NRP1: variants seen among roughly 807,000 people sequenced by gnomAD.
NRP1 encodes neuropilin 1.
A neutral mutation model predicts 106.7 loss-of-function variants in NRP1; 35 were observed. That is an observed-to-expected ratio of 0.33 (90% CI 0.25 to 0.43). The LOEUF is 0.43. NRP1 is among the 20% of genes least tolerant of loss of function. The probability of loss-of-function intolerance (pLI) is 1.00; values close to 1 mark genes in which losing one functional copy is unlikely to be tolerated. For missense variants in NRP1, 1,024 were observed against 1,170.4 expected, an observed-to-expected ratio of 0.87 and a Z score of 1.83; for synonymous variants, 437 against 417.9, an observed-to-expected ratio of 1.05 and a Z score of -0.56.
chr10:33,243,116 C>T (rs142249629), intron 6 of NRP1, among the ~76,000 whole-genome samples: 2,002 of 152,182 alleles, frequency 0.013, 52 homozygotes, highest in African/African-American at 0.046. Context: ...GCTGCACTTT[C>T]TTACAAGATA....
chr10:33,331,970 C>T (rs887044116), intron 1 of NRP1, among the ~76,000 whole-genome samples: 3 of 152,162 alleles, frequency 2.0e-5, no homozygotes, highest in African/African-American at 7.2e-5. Context: ...GATTTTAACA[C>T]TGCATCTAAT....
chr10:33,254,059 G>T lies in NRP1; in HGVS notation c.950C>A (p.Pro317His), dbSNP rs1359535322. 6.2e-7 allele frequency: 1 copy of T among 1,612,750 alleles called. No individual in the cohort carries two copies. Among genetic ancestry groups the T allele is most frequent in the Non-Finnish European group, 8.5e-7 (1 of 1,179,704 alleles). The part of the protein sequence containing the change: ...RLNYPENGWT[P>H]GEDSYREWIQ... ...CCACTCTCGGTAGGAATCCTCTCCG[G>T]GAGTCCACCCATTCTCAGGGTAGTT... Residue 317 changes from proline to histidine, a missense_variant, in exon 6 of 17, where the codon CCC (proline) becomes CAC (histidine). Pro to His is a moderately conservative substitution (Grantham distance 77). Around this residue, in one of 5 missense-constraint regions of NRP1, gnomAD observed 562 missense variants for 620.3 expected, o/e 0.91. Transcript: ENST00000374867.
At chr10:33,260,294 C>T (rs1842485753) in intron 4 of NRP1, among the ~76,000 whole-genome samples, 1 of 152,038 alleles carries the variant, frequency 6.6e-6, no homozygotes, top group Admixed American at 6.6e-5. Context: ...ATCTGGAATA[C>T]CAAAAATACA....
intron 2 of NRP1, among the ~76,000 whole-genome samples, chr10:33,311,255 G>C (rs781499097): frequency 6.6e-6 from 1 of 152,186 alleles, no homozygotes; most frequent in South Asian, 2.1e-4. Flanking sequence ...TACAAGTAGA[G>C]AGCACCAGCA....
At chr10:33,333,249 T>G (rs116282828) in intron 1 of NRP1, among the ~76,000 whole-genome samples, 1 of 151,996 alleles carries the variant, frequency 6.6e-6, no homozygotes, top group East Asian at 1.9e-4. Flanking sequence ...TTTTTGCATG[T>G]GTTTTGCTTT....
At chr10:33,309,833 A>G (rs1225995305) in intron 2 of NRP1, among the ~76,000 whole-genome samples, 2 of 152,074 alleles carry the variant, frequency 1.3e-5, no homozygotes, top group African/African-American at 4.8e-5. Flanking sequence ...CCACATTTCT[A>G]TGTCCAGCTT....
intron 7 of NRP1, 146 bp downstream of exon 7, chr10:33,225,988 T>A: frequency 1.2e-6 from 1 of 865,068 alleles, no homozygotes; most frequent in Non-Finnish European, 1.8e-6. Context: ...GACCCCTTGG[T>A]TAGATTTAAA....
intron 2 of NRP1, among the ~76,000 whole-genome samples, chr10:33,301,275 T>C (rs551678192): frequency 6.6e-6 from 1 of 152,316 alleles, no homozygotes; most frequent in African/African-American, 2.4e-5. Flanking sequence ...CAGGATTTTC[T>C]CTTTGGCCTG....
chr10:33,219,225 C>T (rs1839029659), intron 8 of NRP1, among the ~76,000 whole-genome samples: 1 of 152,120 alleles, frequency 6.6e-6, no homozygotes, highest in South Asian at 2.1e-4. Context: ...TCATTGACTC[C>T]TCATTATAGT....
At chr10:33,230,091 CTTAG>C (rs57328394) in intron 6 of NRP1, among the ~76,000 whole-genome samples, 55,721 of 151,750 alleles carry the variant, frequency 0.37, 10,301 homozygotes, top group East Asian at 0.63. Flanking sequence ...CTCTCCAGCA[CTTAG>C]TGTGCAACCC....
intron 3 of NRP1, among the ~76,000 whole-genome samples, chr10:33,270,285 C>T (rs898186902): frequency 2.0e-5 from 3 of 151,934 alleles, no homozygotes; most frequent in South Asian, 2.1e-4. Flanking sequence ...CTTCTGACTT[C>T]CTTTTCACTT....
At chr10:33,226,100 C>G (rs1352007900) in intron 7 of NRP1, 34 bp downstream of exon 7, 1 of 1,609,476 alleles carries the variant, frequency 6.2e-7, no homozygotes, top group Admixed American at 1.7e-5. Context: ...ATTTAAAAGA[C>G]CAAATTGGTT....
chr10:33,193,766 G>T (rs1215551376), intron 12 of NRP1, among the ~76,000 whole-genome samples: 2 of 152,180 alleles, frequency 1.3e-5, no homozygotes, highest in Non-Finnish European at 2.9e-5. Context: ...AATGGCAGGA[G>T]GAATTTTAAT....
At chr10:33,300,634 C>T (rs1845737286) in intron 2 of NRP1, among the ~76,000 whole-genome samples, 1 of 152,178 alleles carries the variant, frequency 6.6e-6, no homozygotes, top group South Asian at 2.1e-4. Context: ...GGCAAACCTG[C>T]CTCCCATTGT....
At chr10:33,200,653 G>A (rs1294116994) in intron 11 of NRP1, among the ~76,000 whole-genome samples, 1 of 152,170 alleles carries the variant, frequency 6.6e-6, no homozygotes, top group Non-Finnish European at 1.5e-5. Flanking sequence ...TTGTAGTCCT[G>A]ACAGCAAAAC....
chr10:33,186,389 C>T lies in NRP1; in HGVS notation c.2162G>A (p.Cys721Tyr). 2 of 1,614,158 alleles carry T rather than the reference C, an allele frequency of 1.2e-6. No individual in the cohort carries two copies. Among genetic ancestry groups the T allele is most frequent in the Non-Finnish European group, 1.7e-6 (2 of 1,180,030 alleles). The change falls in exon 14 of 17, where the codon TGC becomes TAC. Residue 721 changes from cysteine to tyrosine, a missense_variant. Cys to Tyr is a radical substitution (Grantham distance 194). Transcript: ENST00000374867. ...PVVYSQNSAH[C>Y]MTFWYHMSGS... ...AGACATGTGATACCAGAAGGTCATG[C>T]AGTGGGCAGAGTTCTGGGAATAAAC...
intron 5 of NRP1, among the ~76,000 whole-genome samples, chr10:33,255,001 T>G (rs1319013): frequency 0.51 from 78,005 of 152,000 alleles, 20,555 homozygotes; most frequent in East Asian, 0.7. Flanking sequence ...ATCCTCAGTT[T>G]GATGATACTG....
intron 6 of NRP1, among the ~76,000 whole-genome samples, chr10:33,241,879 T>C (rs1841052787): frequency 6.6e-6 from 1 of 152,226 alleles, no homozygotes; most frequent in Admixed American, 6.5e-5. Context: ...AAGAAATGAA[T>C]TGATTCTTAA....
chr10:33,248,213 C>A (rs965668842), intron 6 of NRP1, among the ~76,000 whole-genome samples: 1 of 152,128 alleles, frequency 6.6e-6, no homozygotes, highest in African/African-American at 2.4e-5. Flanking sequence ...TCGCTTGAAC[C>A]CAGGAGGTGG....
Sources: allele counts gnomAD v4.1 joint callset (sites outside exome capture counted in the v4.1 genomes callset), GRCh38; gene constraint gnomAD v4.1.1; regional missense constraint gnomAD v4.1.1; transcripts MANE v1.5; gene names NCBI Gene and HGNC (gene_info 2026-07-23, HGNC 2026-07-21).